Variants in MAP3K13 observed in about 807,000 individuals in gnomAD.
MAP3K13 encodes the protein mitogen-activated protein kinase kinase kinase 13.
A neutral mutation model predicts 104.0 loss-of-function variants in MAP3K13; 52 were observed. The observed-to-expected ratio is 0.50, with a 90% CI of 0.40 to 0.63. The LOEUF is 0.63. Ranked by LOEUF, MAP3K13 falls within the 20% of genes least tolerant of loss-of-function variation. The pLI, the probability that MAP3K13 is intolerant of heterozygous loss-of-function variation, is 0.00. For missense variants in MAP3K13, 914 were observed against 1,218.5 expected, an observed-to-expected ratio of 0.75 and a Z score of 3.72; for synonymous variants, 394 against 442.2, an observed-to-expected ratio of 0.89 and a Z score of 1.37.
At chr3:185,320,396 T>C (rs770326471) in intron 2 of MAP3K13, among the ~76,000 whole-genome samples, 3 of 152,222 alleles carry the variant, frequency 2.0e-5, no homozygotes, top group Non-Finnish European at 4.4e-5. Flanking sequence ...AAGTGACTTT[T>C]AGTGTAGAAA....
chr3:185,285,322 AATATT>A lies in MAP3K13; in HGVS notation c.-204-200_-204-196del, dbSNP rs541076751. The stretch of plus-strand genomic sequence containing the variant: ...TTTTGAGATCCTGTAGATTTATGTT[AATATT>A]ATTGTCTTACTTAAAAATGCAGTCT... On this transcript the variant is annotated intron_variant, in intron 1 of 14. Coordinates refer to the MAP3K13 transcript ENST00000424227. 2.8e-5 allele frequency: 7 copies of A among 252,308 alleles called. No homozygotes were observed. In the South Asian group the frequency reaches 7.6e-4, roughly 27 times the overall value. The allele number at this position is 252,308 out of a possible 1,614,324, so 15.6% of individuals were successfully genotyped here.
chr3:185,415,771 C>T (rs1040087283), intron 1 of MAP3K13, among the ~76,000 whole-genome samples: 7 of 151,572 alleles, frequency 4.6e-5, no homozygotes, highest in East Asian at 2.0e-4. Flanking sequence ...TTAGTAGAGA[C>T]GAGGTTTCTC....
Position 185,315,653 on chromosome 3 carries a change from C to T in MAP3K13, c.-86+30010C>T, listed in dbSNP as rs1166300712. Among the ~76,000 whole-genome samples, 1 of 152,178 alleles carries T rather than the reference C, an allele frequency of 6.6e-6. No individual in the cohort carries two copies. The highest frequency in any genetic ancestry group is 2.4e-5 in the African/African-American group (1 of 41,434). ...AAACAAGCAAATTGTTTCACTATAACACTTAACAAATTTTGTTAGTGTACC... is the reference window on the plus strand; with the variant it reads ...AAACAAGCAAATTGTTTCACTATAATACTTAACAAATTTTGTTAGTGTACC... On this transcript the variant is annotated intron_variant, in intron 2 of 14. Transcript: ENST00000424227. The surrounding 1 kb of genome is among the most constrained non-coding windows in gnomAD (Gnocchi z 4.3).
At position 185,473,102 on chromosome 3, in the gene MAP3K13, C is replaced by G; in HGVS notation, c.1771C>G (p.Arg591Gly). 6.2e-7 allele frequency: 1 copy of G among 1,614,140 alleles called. No individual in the cohort carries two copies. The highest frequency in any genetic ancestry group is 8.5e-7 in the Non-Finnish European group (1 of 1,180,034). The change falls in exon 11 of 14, where the codon CGC becomes GGC. Residue 591 changes from arginine (R) to glycine (G), a missense_variant. By Grantham distance (125) the Arg-to-Gly change is moderately radical. Around this residue, in one of 3 missense-constraint regions of MAP3K13, gnomAD observed 583 missense variants for 737.4 expected, o/e 0.79. Coordinates refer to ENST00000265026, the MANE Select transcript of MAP3K13 (RefSeq NM_004721.5). The surrounding 1 kb of genome is among the most constrained non-coding windows in gnomAD (Gnocchi z 4.9). ...KSRYRSKPRHRRGNSRGSHSD... is the reference protein window; with the variant it reads ...KSRYRSKPRHGRGNSRGSHSD... ...CCGATATCGAAGCAAACCACGCCAC[C>G]GCCGAGGGAATAGCAGAGGCAGCCA...
intron 2 of MAP3K13, among the ~76,000 whole-genome samples, chr3:185,311,677 C>T (rs550413485): frequency 6.6e-6 from 1 of 152,274 alleles, no homozygotes; most frequent in Admixed American, 6.5e-5. Context: ...TGTCTAGGCT[C>T]CCCTCTCCTT....
At chr3:185,443,318 A>G in intron 3 of MAP3K13, 127 bp from the exon 4 acceptor site, 3 of 619,826 alleles carry the variant, frequency 4.8e-6, no homozygotes, top group Non-Finnish European at 8.1e-6. Context: ...GAGAATCAGG[A>G]ACTATTATCT....
intron 3 of MAP3K13, among the ~76,000 whole-genome samples, chr3:185,438,291 G>GA (rs1228538595): frequency 1.5e-3 from 194 of 126,252 alleles, no homozygotes; most frequent in African/African-American, 4.8e-3. Flanking sequence ...GTGAGACCCT[G>GA]AAAAAAAAAG....
In MAP3K13 at chr3:185,454,334, T is replaced by TCA. The variant is rs1244896072; in HGVS notation, c.1278+2939_1278+2940insCA. ...ATATGAGATATATATGAGATATATA[T>TCA]GATATATATGAGATATATGAGATAT... On this transcript the variant is annotated intron_variant, in intron 7 of 13. Coordinates refer to ENST00000265026, the MANE Select transcript of MAP3K13 (RefSeq NM_004721.5). Among the ~76,000 whole-genome samples the TCA allele has an allele frequency of 4.9e-5, 4 of 82,356 alleles. 1 individual carries two copies. The highest frequency in any genetic ancestry group is 6.9e-5 in the Non-Finnish European group (3 of 43,408). The allele number at this position is 82,356 out of a possible 152,430, so 54.0% of individuals were successfully genotyped here.
At chr3:185,419,110 G>A (rs749119057) in intron 1 of MAP3K13, among the ~76,000 whole-genome samples, 1 of 151,164 alleles carries the variant, frequency 6.6e-6, no homozygotes, top group East Asian at 1.9e-4. Flanking sequence ...TCTGCCTCCC[G>A]GGTTAAAGCA....
intron 11 of MAP3K13, among the ~76,000 whole-genome samples, chr3:185,475,437 T>C (rs1718065001): frequency 6.6e-6 from 1 of 152,198 alleles, no homozygotes; most frequent in South Asian, 2.1e-4. Flanking sequence ...ATGAGTATGT[T>C]TGGTCAACTA....
Position 185,423,607 on chromosome 3 carries a change from C to G in MAP3K13, c.-85-4890C>G, listed in dbSNP as rs1231538009. Among the ~76,000 whole-genome samples, 37 of 152,188 alleles carry G rather than the reference C, an allele frequency of 2.4e-4. No homozygotes were observed. Among genetic ancestry groups the G allele is most frequent in the Admixed American group, 2.4e-3 (36 of 15,274 alleles). ...CTCCAGTTTTTCTTCTTTCTTCCCC[C>G]TGCCCCAACCTTATATTCCCAGGGA... On this transcript the variant is annotated intron_variant, in intron 1 of 13. Transcript: ENST00000265026. This position sits in a 1 kb window ranked among gnomAD's most constrained non-coding sequence, Gnocchi z 4.1.
chr3:185,394,773 C>T (rs149917267), intron 1 of MAP3K13, among the ~76,000 whole-genome samples: 5 of 152,126 alleles, frequency 3.3e-5, no homozygotes, highest in East Asian at 3.9e-4. Context: ...GATATATTTC[C>T]GCTCTAAGGA....
intron 2 of MAP3K13, among the ~76,000 whole-genome samples, chr3:185,357,690 C>T (rs1392254095): frequency 1.3e-5 from 2 of 152,018 alleles, no homozygotes; most frequent in African/African-American, 4.8e-5. Flanking sequence ...ATTGAGAAAT[C>T]CATCTGCTTT....
At chr3:185,440,767 G>A (rs918428199) in intron 3 of MAP3K13, among the ~76,000 whole-genome samples, 5 of 152,172 alleles carry the variant, frequency 3.3e-5, no homozygotes, top group Non-Finnish European at 7.3e-5. Flanking sequence ...ACTTACAGCA[G>A]CTGAAGAGAT....
chr3:185,292,938 T>C (rs1422840726), intron 2 of MAP3K13: 1 of 984,170 alleles, frequency 1.0e-6, no homozygotes, highest in Admixed American at 6.1e-5. Flanking sequence ...CATTTTTCTT[T>C]ACATGAAAGA....
At chr3:185,295,067 T>C (rs1165637383) in intron 2 of MAP3K13, among the ~76,000 whole-genome samples, 1 of 152,326 alleles carries the variant, frequency 6.6e-6, no homozygotes, top group East Asian at 1.9e-4. Context: ...TCTAAACTCT[T>C]ATTATCTTAT....
chr3:185,378,003 G>GC (rs1333503844), intron 1 of MAP3K13, among the ~76,000 whole-genome samples: 11 of 152,120 alleles, frequency 7.2e-5, no homozygotes, highest in African/African-American at 2.4e-4. Flanking sequence ...CAAGCTCCTG[G>GC]GGTGGGGGGA....
chr3:185,303,767 AGTT>A (rs1411806695), intron 2 of MAP3K13, among the ~76,000 whole-genome samples: 3 of 151,502 alleles, frequency 2.0e-5, no homozygotes, highest in Non-Finnish European at 4.4e-5. Context: ...TAAAAAGACA[AGTT>A]CTTAGTTTTG....
intron 12 of MAP3K13, 150 bp from the exon 13 acceptor site, chr3:185,480,082 G>A (rs1718357149): frequency 1.3e-6 from 1 of 743,502 alleles, no homozygotes; most frequent in African/African-American, 1.8e-5. Context: ...AATGTTAAAA[G>A]TTAAATAGTT....
Sources: allele counts gnomAD v4.1 joint callset (sites outside exome capture counted in the v4.1 genomes callset), GRCh38; gene constraint gnomAD v4.1.1; regional missense constraint gnomAD v4.1.1; non-coding constraint Gnocchi (gnomAD v3.1); transcripts MANE v1.5; gene names NCBI Gene and HGNC (gene_info 2026-07-23, HGNC 2026-07-21).